Variants in BAG3 observed in about 807,000 individuals in gnomAD.
BAG3 encodes BAG cochaperone 3.
A neutral mutation model predicts 40.5 loss-of-function variants in BAG3; 14 were observed. That is an observed-to-expected ratio of 0.35 (90% CI 0.23 to 0.54). The LOEUF (loss-of-function observed/expected upper bound fraction) is 0.54. Among genes scored for constraint, BAG3 ranks in the 20% least tolerant of loss-of-function variants. The pLI, the probability that BAG3 is intolerant of heterozygous loss-of-function variation, is 0.91. For synonymous variants in BAG3, 302 were observed against 307.8 expected, an observed-to-expected ratio of 0.98 and a Z score of 0.20; for missense variants, 788 against 758.6, an observed-to-expected ratio of 1.04 and a Z score of -0.46.
Position 119,651,796 on chromosome 10 carries a change from G to C in BAG3, c.121G>C (p.Asp41His). 6.2e-7 allele frequency: 1 copy of C among 1,601,810 alleles called. No homozygotes were observed. The highest frequency in any genetic ancestry group is 8.5e-7 in the Non-Finnish European group (1 of 1,174,852). ...DPQTGWPFFVDHNSRTTTWND... is the reference protein window; with the variant it reads ...DPQTGWPFFVHHNSRTTTWND... ...GCAGACCGGCTGGCCCTTCTTCGTG[G>C]ACCACAACAGCCGCACCACTACGTG... is the stretch of plus-strand genomic sequence containing the variant. Residue 41 changes from aspartate to histidine, a missense_variant, in exon 1 of 4, where the codon GAC becomes CAC. Transcript: ENST00000369085.
At position 119,651,382 on chromosome 10, in the gene BAG3, A is replaced by AT; in HGVS notation, c.-293dup. On this transcript the variant is annotated 5_prime_UTR_variant, in exon 1 of 4. Transcript: ENST00000369085. ...CCGATGACTCAGGGCGGAGCTCCGC[A>AT]TCCAACCCCGGGCCGCGGCCAACTT... 1 of 293,696 alleles carries AT rather than the reference A, an allele frequency of 3.4e-6. No individual in the cohort carries two copies. The highest frequency in any genetic ancestry group is 6.2e-6 in the Non-Finnish European group (1 of 160,602). 18.2% of individuals were successfully genotyped at this position (293,696 alleles called of 1,614,324 possible). A position where few individuals can be genotyped will look rare whatever the true frequency, so the allele number is the denominator to read the frequency against.
chr10:119,675,923 C>CCTTCCTTCCTTCCCCCCTT (rs1847228232), intron 3 of BAG3, among the ~76,000 whole-genome samples: 2 of 36,864 alleles, frequency 5.4e-5, no homozygotes, highest in Non-Finnish European at 1.1e-4. Flanking sequence ...CTTCCTTCCT[C>CCTTCCTTCCTTCCCCCCTT]CCTCCCTCCC....
Position 119,651,580 on chromosome 10 carries a change from G to T in BAG3, c.-96G>T. 2 of 1,197,982 alleles carry T rather than the reference G, an allele frequency of 1.7e-6. No homozygotes were observed. Among genetic ancestry groups the T allele is most frequent in the South Asian group, 2.2e-5 (1 of 44,844 alleles). The allele number at this position is 1,197,982 out of a possible 1,614,324, so 74.2% of individuals were successfully genotyped here. On this transcript the variant is annotated 5_prime_UTR_variant, in exon 1 of 4. Coordinates refer to ENST00000369085, the MANE Select transcript of BAG3 (RefSeq NM_004281.4). ...GCGCCGGCTTCCCGGACACGTCGGC[G>T]GCGGAGAGGGGCCCACGGCGGCGGC...
In BAG3 at chr10:119,677,382, C is replaced by A; in HGVS notation, c.*100C>A. 6.8e-7 allele frequency: 1 copy of A among 1,472,670 alleles called. No homozygotes were observed. The highest frequency in any genetic ancestry group is 9.4e-7 in the Non-Finnish European group (1 of 1,068,506). The allele number at this position is 1,472,670 out of a possible 1,614,324, so 91.2% of individuals were successfully genotyped here. ...CTTTAAGTCAGTTGGTTTTTATTAGCTGCTTGGTATGCAGTAACTTGGGTG... is the reference window on the plus strand; with the variant it reads ...CTTTAAGTCAGTTGGTTTTTATTAGATGCTTGGTATGCAGTAACTTGGGTG... On this transcript the variant is annotated 3_prime_UTR_variant, in exon 4 of 4. Coordinates refer to ENST00000369085, the MANE Select transcript of BAG3 (RefSeq NM_004281.4).
At chr10:119,652,264 G>T (rs1009502633) in intron 1 of BAG3, among the ~76,000 whole-genome samples, 1 of 152,106 alleles carries the variant, frequency 6.6e-6, no homozygotes, top group Non-Finnish European at 1.5e-5. Context: ...CGGCCTCCGG[G>T]CCCGGGACCC....
At chr10:119,667,864 C>T (rs1273362646) in intron 1 of BAG3, among the ~76,000 whole-genome samples, 2 of 152,236 alleles carry the variant, frequency 1.3e-5, no homozygotes, top group African/African-American at 2.4e-5. Flanking sequence ...CACTGCAGGA[C>T]TAATGCAGGC....
chr10:119,663,599 C>G (rs1404915802), intron 1 of BAG3, among the ~76,000 whole-genome samples: 2 of 152,162 alleles, frequency 1.3e-5, no homozygotes, highest in East Asian at 3.8e-4. Context: ...CAGACATGAA[C>G]CACCGGACCC....
chr10:119,658,303 C>T (rs939844793), intron 1 of BAG3, among the ~76,000 whole-genome samples: 1 of 152,200 alleles, frequency 6.6e-6, no homozygotes, highest in African/African-American at 2.4e-5. Context: ...CAGTTCAGAC[C>T]CCCAGCATCC....
chr10:119,673,135 A>G (rs1045561268), intron 3 of BAG3, among the ~76,000 whole-genome samples: 1 of 152,164 alleles, frequency 6.6e-6, no homozygotes, highest in African/African-American at 2.4e-5. Context: ...ATGCCCGCAC[A>G]GTATAGGTTC....
intron 1 of BAG3, among the ~76,000 whole-genome samples, chr10:119,663,888 G>A (rs1051118369): frequency 9.2e-5 from 14 of 152,056 alleles, no homozygotes; most frequent in African/African-American, 3.4e-4. Context: ...ACTTGGGTTG[G>A]GCTTAAGAGT....
At chr10:119,667,640 C>G (rs1230679433) in intron 1 of BAG3, among the ~76,000 whole-genome samples, 1 of 152,168 alleles carries the variant, frequency 6.6e-6, no homozygotes, top group African/African-American at 2.4e-5. Context: ...TTCCTGCCCC[C>G]TTAGCCCATC....
In BAG3 at chr10:119,670,193, G is replaced by T. The variant is rs376346659; in HGVS notation, c.507+16G>T. ...CGGACCTGAGGTAAGGAGAGGCCAG[G>T]CTCACCAGCCTGCTGGGGAGCAAGC... is the stretch of plus-strand genomic sequence containing the variant. On this transcript the variant is annotated intron_variant, in intron 2 of 3. Transcript: ENST00000369085. The T allele has an allele frequency of 3.1e-6, 5 of 1,594,678 alleles. No homozygotes were observed. Among genetic ancestry groups the T allele is most frequent in the African/African-American group, 1.3e-5 (1 of 74,734 alleles).
At chr10:119,670,913 C>A (rs1428700935) in intron 2 of BAG3, among the ~76,000 whole-genome samples, 1 of 152,190 alleles carries the variant, frequency 6.6e-6, no homozygotes, top group Non-Finnish European at 1.5e-5. Flanking sequence ...TGTGTGCCAG[C>A]GTTGTTCCTG....
At chr10:119,662,464 G>A (rs995658486) in intron 1 of BAG3, among the ~76,000 whole-genome samples, 1 of 152,020 alleles carries the variant, frequency 6.6e-6, no homozygotes, top group Non-Finnish European at 1.5e-5. Context: ...TAGCCATATG[G>A]GGAGTTCCAG....
At chr10:119,659,828 A>G (rs1846968451) in intron 1 of BAG3, among the ~76,000 whole-genome samples, 1 of 152,210 alleles carries the variant, frequency 6.6e-6, no homozygotes. Flanking sequence ...GACTCTGTCT[A>G]AATTCAGAGT....
chr10:119,675,071 C>T (rs1847201169), intron 3 of BAG3, among the ~76,000 whole-genome samples: 1 of 152,142 alleles, frequency 6.6e-6, no homozygotes, highest in Non-Finnish European at 1.5e-5. Context: ...GTGGCTCACA[C>T]CTATAATCCT....
At chr10:119,654,855 C>G (rs1846890534) in intron 1 of BAG3, among the ~76,000 whole-genome samples, 2 of 152,162 alleles carry the variant, frequency 1.3e-5, no homozygotes, top group Admixed American at 6.5e-5. Flanking sequence ...AGACCTTCCT[C>G]CCTCATGGAG....
intron 2 of BAG3, among the ~76,000 whole-genome samples, chr10:119,671,973 G>A (rs1455530724): frequency 6.6e-6 from 1 of 152,180 alleles, no homozygotes; most frequent in Non-Finnish European, 1.5e-5. Flanking sequence ...ATTTTTGGTA[G>A]AGATGGGGTT....
intron 3 of BAG3, among the ~76,000 whole-genome samples, chr10:119,676,127 T>C (rs1179842247): frequency 6.6e-6 from 1 of 151,094 alleles, no homozygotes; most frequent in African/African-American, 2.4e-5. Context: ...GGGGTCTTAC[T>C]ATATTGCCCA....
Sources: allele counts gnomAD v4.1 joint callset (sites outside exome capture counted in the v4.1 genomes callset), GRCh38; gene constraint gnomAD v4.1.1; transcripts MANE v1.5; gene names NCBI Gene and HGNC (gene_info 2026-07-23, HGNC 2026-07-21).